PLCD4: variants seen among roughly 807,000 people sequenced by gnomAD.
PLCD4 encodes the protein phospholipase C delta 4, also known as 1-phosphatidylinositol 4,5-bisphosphate phosphodiesterase delta-4.
In PLCD4, 63 loss-of-function variants were observed where a neutral mutation model predicts 90.2. The ratio of observed to expected loss-of-function variants is 0.70; its 90% CI spans 0.57 to 0.86. The LOEUF is 0.86. Among genes scored for constraint, PLCD4 ranks in the 40% least tolerant of loss-of-function variants. PLCD4 has a pLI of 0.00. For missense variants in PLCD4, 830 were observed against 956.3 expected (o/e 0.87, Z 1.74); for synonymous variants, 294 against 356.5 (o/e 0.82, Z 1.97).
rs1182781571 is a variant in PLCD4 at position 218,634,173 on chromosome 2, T to G, written c.1675T>G (p.Ser559Ala). ...RVYPSGLRTD[S>A]SNYNPQELWN... ...GTATCCCAGCGGCCTGAGGACAGAC[T>G]CTTCCAACTACAACCCCCAGGAACT... The change falls in exon 12 of 16, where the codon TCT becomes GCT. Residue 559 changes from serine to alanine, a missense_variant. Transcript: ENST00000450993. This position sits in a 1 kb window ranked among gnomAD's most constrained non-coding sequence, Gnocchi z 4.0. The G allele has an allele frequency of 6.2e-7, 1 of 1,612,450 alleles. No individual in the cohort carries two copies. The highest frequency in any genetic ancestry group is 8.5e-7 in the Non-Finnish European group (1 of 1,179,336).
chr2:218,634,809 GCAA>G lies in PLCD4; in HGVS notation c.1896+180_1896+182del, dbSNP rs1696617926. Among the ~76,000 whole-genome samples the G allele has an allele frequency of 6.6e-6, 1 of 152,198 alleles. No homozygotes were observed. Among genetic ancestry groups the G allele is most frequent in the Non-Finnish European group, 1.5e-5 (1 of 68,032 alleles). On this transcript the variant is annotated intron_variant, in intron 13 of 15. Coordinates refer to ENST00000450993, the MANE Select transcript of PLCD4 (RefSeq NM_032726.4). This position sits in a 1 kb window ranked among gnomAD's most constrained non-coding sequence, Gnocchi z 4.0. The stretch of plus-strand genomic sequence containing the variant: ...CAACTTCCTAATTGGGTAATGTTGG[GCAA>G]GTTCCTTAACCTCTCCATACCTCAG...
At position 218,632,144 on chromosome 2, in the gene PLCD4, G is replaced by T. The variant is rs1696409040; in HGVS notation, c.1281G>T (p.Arg427=). The change falls in exon 10 of 16, where the codon CGG becomes CGT. Residue 427 remains arginine, a synonymous_variant. Transcript: ENST00000450993. Reference sequence around the variant, plus strand: ...TCATTTTTGTCCCCTAGGAGCTTCGGAGGAAGATCCTGGTGAAGGGGAAGA... The same window carrying T: ...TCATTTTTGTCCCCTAGGAGCTTCGTAGGAAGATCCTGGTGAAGGGGAAGA... ...PTQLPSPEEL[R]RKILVKGKKL... The T allele has an allele frequency of 1.2e-6, 2 of 1,607,012 alleles. No homozygotes were observed. The highest frequency in any genetic ancestry group is 1.7e-6 in the Non-Finnish European group (2 of 1,176,982).
intron 6 of PLCD4, among the ~76,000 whole-genome samples, chr2:218,627,791 C>T (rs942410235): frequency 3.3e-5 from 5 of 152,142 alleles, no homozygotes; most frequent in African/African-American, 1.2e-4. Context: ...GGATTACAGG[C>T]GTGAGGCACC....
At chr2:218,614,046 C>T (rs1226442662) in intron 1 of PLCD4, among the ~76,000 whole-genome samples, 1 of 149,446 alleles carries the variant, frequency 6.7e-6, no homozygotes, top group Non-Finnish European at 1.5e-5. Flanking sequence ...TGGAGTCTTG[C>T]TCTCGCTCTG....
At chr2:218,633,536 A>G (rs1575040530) in intron 10 of PLCD4, 69 bp from the exon 11 acceptor site, 1 of 1,501,352 alleles carries the variant, frequency 6.7e-7, no homozygotes, top group Non-Finnish European at 9.3e-7. Flanking sequence ...TTTAGGTTGG[A>G]TGGCCATTAT....
chr2:218,618,608 A>G lies in PLCD4; in HGVS notation c.211A>G (p.Asn71Asp). Residue 71 changes from asparagine to aspartate, a missense_variant, in exon 4 of 16, where the codon AAT becomes GAT. Transcript: ENST00000450993. ...FSISDVETIR[N>D]GHDSELLRSL... ...AATCTCTGATGTGGAGACAATACGTAATGGCCATGATTCCGAGTTGCTGCG... is the reference window on the plus strand; with the variant it reads ...AATCTCTGATGTGGAGACAATACGTGATGGCCATGATTCCGAGTTGCTGCG... 3 of 1,614,000 alleles carry G rather than the reference A, an allele frequency of 1.9e-6. No individual in the cohort carries two copies. Among genetic ancestry groups the G allele is most frequent in the Non-Finnish European group, 2.5e-6 (3 of 1,179,880 alleles).
Position 218,621,492 on chromosome 2 carries a change from C to A in PLCD4, c.433C>A (p.Arg145Ser). 6.2e-7 allele frequency: 1 copy of A among 1,613,924 alleles called. No individual in the cohort carries two copies. The highest frequency in any genetic ancestry group is 8.5e-7 in the Non-Finnish European group (1 of 1,179,830). ...TGGATGGCTGAGCGATTGGTTTCAACGTGGAGACAAAAATCAGGATGGTAA... is the reference window on the plus strand; with the variant it reads ...TGGATGGCTGAGCGATTGGTTTCAAAGTGGAGACAAAAATCAGGATGGTAA... ...LDQWLSDWFQ[R>S]GDKNQDGKMS... Residue 145 changes from arginine to serine, a missense_variant, in exon 5 of 16, where the codon CGT becomes AGT. Transcript: ENST00000450993.
At position 218,618,620 on chromosome 2, in the gene PLCD4, TC is replaced by T; in HGVS notation, c.225del (p.Glu76SerfsTer29). ...GGAGACAATACGTAATGGCCATGAT[TC>T]CGAGTTGCTGCGTAGCCTGGCAGAG... Reference protein sequence around the residue: ...DVETIRNGHDSELLRSLAEEL... With the variant: ...DVETIRNGHDXELLRSLAEEL... On this transcript the variant is annotated frameshift_variant, in exon 4 of 16. Coordinates refer to ENST00000450993, the MANE Select transcript of PLCD4 (RefSeq NM_032726.4). LOFTEE classifies it high-confidence loss of function. 1.2e-6 allele frequency: 2 copies of T among 1,614,078 alleles called. No individual in the cohort carries two copies. The highest frequency in any genetic ancestry group is 1.7e-6 in the Non-Finnish European group (2 of 1,179,904).
chr2:218,615,614 C>G, intron 1 of PLCD4, 93 bp from the exon 2 acceptor site: 1 of 1,051,754 alleles, frequency 9.5e-7, no homozygotes, highest in Non-Finnish European at 1.4e-6. Flanking sequence ...TCTAAAGTGT[C>G]AGAGTCACTA....
Position 218,616,040 on chromosome 2 carries a change from CA to C in PLCD4, c.160del (p.Arg54GlyfsTer51), listed in dbSNP as rs778974378. The C allele has an allele frequency of 2.5e-6, 4 of 1,613,680 alleles. No homozygotes were observed. In the African/African-American group the frequency reaches 5.3e-5, roughly 22 times the overall value. On this transcript the variant is annotated frameshift_variant, in exon 3 of 16. Coordinates refer to ENST00000450993, the MANE Select transcript of PLCD4 (RefSeq NM_032726.4). LOFTEE classifies it high-confidence loss of function. ...TGACAGTCTGGCATGCACGGCAGGCCAGGGGCAGTGCCAAGCCCAGCTGTGA... is the reference window on the plus strand; with the variant it reads ...TGACAGTCTGGCATGCACGGCAGGCCGGGGCAGTGCCAAGCCCAGCTGTGA... ...GMTVWHARQA[R>X]GSAKPSFSIS...
chr2:218,631,198 CTT>C (rs1385017920), intron 9 of PLCD4, among the ~76,000 whole-genome samples: 18 of 152,112 alleles, frequency 1.2e-4, no homozygotes, highest in African/African-American at 3.1e-4. Context: ...GAGTTTCGCT[CTT>C]GTCGCCCAGG....
intron 4 of PLCD4, among the ~76,000 whole-genome samples, chr2:218,619,381 C>T (rs1404608964): frequency 2.6e-5 from 4 of 151,952 alleles, no homozygotes; most frequent in Non-Finnish European, 4.4e-5. Context: ...GCAACCTCTG[C>T]CTCCCAGGTT....
chr2:218,629,790 C>A, intron 8 of PLCD4, 127 bp downstream of exon 8: 1 of 1,034,886 alleles, frequency 9.7e-7, no homozygotes. Flanking sequence ...AACTGTAAAG[C>A]ATCAGGCAAA....
intron 1 of PLCD4, among the ~76,000 whole-genome samples, chr2:218,614,869 G>T (rs1407841300): frequency 6.6e-6 from 1 of 152,136 alleles, no homozygotes; most frequent in East Asian, 1.9e-4. Flanking sequence ...AACTATAAAG[G>T]AAAGGTATAA....
intron 9 of PLCD4, 28 bp downstream of exon 9, chr2:218,630,830 C>G (rs1268942858): frequency 6.3e-7 from 1 of 1,587,608 alleles, no homozygotes; most frequent in South Asian, 1.1e-5. Context: ...CCAGCCCAGG[C>G]TCTGCTGTGG....
At chr2:218,628,619 C>T (rs1190505574) in intron 7 of PLCD4, 2 of 182,902 alleles carry the variant, frequency 1.1e-5, no homozygotes, top group African/African-American at 2.3e-5. Context: ...AAGTATTTAA[C>T]TTCTATACCT....
At chr2:218,624,668 C>T (rs1022433194) in intron 6 of PLCD4, among the ~76,000 whole-genome samples, 9 of 145,722 alleles carry the variant, frequency 6.2e-5, no homozygotes, top group Non-Finnish European at 3.0e-5. Flanking sequence ...TGTAGTAAGC[C>T]GAGATCACAC....
chr2:218,630,877 C>T, intron 9 of PLCD4, 75 bp downstream of exon 9: 1 of 1,445,110 alleles, frequency 6.9e-7, no homozygotes, highest in Non-Finnish European at 9.3e-7. Context: ...TTCCTCTATG[C>T]CCCTCTTTGT....
intron 7 of PLCD4, 189 bp downstream of exon 7, chr2:218,628,419 C>G (rs1483484634): frequency 1.8e-6 from 1 of 547,706 alleles, no homozygotes; most frequent in Non-Finnish European, 3.2e-6. Flanking sequence ...CCCTATGGGT[C>G]AATGGAACTT....
Sources: gnomAD v4.1 joint callset for allele counts (sites outside exome capture counted in the v4.1 genomes callset) on GRCh38, gnomAD v4.1.1 for gene constraint, Gnocchi (gnomAD v3.1) non-coding constraint, MANE v1.5 for transcripts, NCBI Gene and HGNC (gene_info 2026-07-23, HGNC 2026-07-21) for gene names.